Variants in ZSCAN5A observed in about 807,000 individuals in gnomAD.
The protein encoded by ZSCAN5A is zinc finger and SCAN domain-containing protein 5A.
ZSCAN5A carries 12 observed loss-of-function variants against 23.7 expected under a neutral mutation model. The ratio of observed to expected loss-of-function variants is 0.51; its 90% CI spans 0.32 to 0.82. The LOEUF is 0.82. Among genes scored for constraint, ZSCAN5A ranks in the 40% least tolerant of loss-of-function variants. The probability of loss-of-function intolerance (pLI) is 0.03; values close to 1 mark genes in which losing one functional copy is unlikely to be tolerated. For synonymous variants in ZSCAN5A, 257 were observed against 239.9 expected, an observed-to-expected ratio of 1.07 and a Z score of -0.66; for missense variants, 597 against 617.9, an observed-to-expected ratio of 0.97 and a Z score of 0.36.
chr19:56,221,765 T>C lies in ZSCAN5A; in HGVS notation c.1301A>G (p.His434Arg). Reference sequence around the variant, plus strand: ...ACATTCGAAGGGCTTCTCCCCTGTGTGGCTTCTCTTGTGACACTTCAAGTA... The same window carrying C: ...ACATTCGAAGGGCTTCTCCCCTGTGCGGCTTCTCTTGTGACACTTCAAGTA... Reference protein sequence around the residue: ...KSYLKCHKRSHTGEKPFECKD... With the variant: ...KSYLKCHKRSRTGEKPFECKD... The change falls in exon 6 of 6, where the codon CAC becomes CGC. Residue 434 changes from histidine to arginine, a missense_variant. By Grantham distance (29) the His-to-Arg change is conservative. Coordinates refer to ENST00000683990, the MANE Select transcript of ZSCAN5A (RefSeq NM_001322064.3). The C allele has an allele frequency of 6.2e-7, 1 of 1,614,212 alleles. No homozygotes were observed. The highest frequency in any genetic ancestry group is 8.5e-7 in the Non-Finnish European group (1 of 1,180,028).
At chr19:56,270,123 T>G (rs1190922633) in intron 2 of ZSCAN5A, among the ~76,000 whole-genome samples, 1 of 145,826 alleles carries the variant, frequency 6.9e-6, no homozygotes, top group East Asian at 2.0e-4. Context: ...TAGACATGAG[T>G]GGATCTCACA....
At chr19:56,247,925 C>T (rs547876514) in intron 2 of ZSCAN5A, among the ~76,000 whole-genome samples, 35 of 152,252 alleles carry the variant, frequency 2.3e-4, no homozygotes, top group African/African-American at 6.5e-4. Flanking sequence ...CTCCTGACCT[C>T]GTGATCCGCC....
chr19:56,337,363 G>GGTGTA (rs763239915), intron 2 of ZSCAN5A, among the ~76,000 whole-genome samples: 6 of 152,232 alleles, frequency 3.9e-5, no homozygotes, highest in African/African-American at 7.2e-5. Flanking sequence ...AGGCTCTGTG[G>GGTGTA]GTGTAGGACC....
chr19:56,297,604 C>T (rs979171355), intron 2 of ZSCAN5A: 1 of 868,418 alleles, frequency 1.2e-6, no homozygotes, highest in African/African-American at 1.9e-5. Context: ...ATGATAAAGC[C>T]TTAGAAGAGA....
At position 56,352,247 on chromosome 19, in the gene ZSCAN5A, G is replaced by A. The variant is rs991390761; in HGVS notation, c.-358+10988C>T. ...CTCCCAAGTAGCTGGGACTACAGGC[G>A]CCGATAGTGTGGTGTTTTAACAAAG... On this transcript the variant is annotated intron_variant, in intron 2 of 6. Transcript: ENST00000587340. The surrounding 1 kb of genome is among the most constrained non-coding windows in gnomAD (Gnocchi z 4.2). Among the ~76,000 whole-genome samples the A allele has an allele frequency of 3.3e-5, 5 of 152,184 alleles. No homozygotes were observed. The highest frequency in any genetic ancestry group is 2.0e-4 in the Admixed American group (3 of 15,286).
At position 56,224,991 on chromosome 19, in the gene ZSCAN5A, C is replaced by G; in HGVS notation, c.56G>C (p.Gly19Ala). ...TGCCATAGACCGTGGCAGCTCCAAC[C>G]CAGGTCTGTTGCAGGATTCTCCTAG... ...WSLGESCNRP[G>A]LELPRSMASS... Residue 19 changes from glycine (G) to alanine (A), a missense_variant, in exon 3 of 6, where the codon GGG becomes GCG. Transcript: ENST00000683990. 2 of 1,613,954 alleles carry G rather than the reference C, an allele frequency of 1.2e-6. No individual in the cohort carries two copies. Among genetic ancestry groups the G allele is most frequent in the South Asian group, 1.1e-5 (1 of 91,044 alleles).
chr19:56,231,722 T>A (rs1263048007), intron 2 of ZSCAN5A, among the ~76,000 whole-genome samples: 4 of 152,238 alleles, frequency 2.6e-5, no homozygotes, highest in Non-Finnish European at 5.9e-5. Context: ...ATCTGTACAG[T>A]TTAGCAGCAT....
At chr19:56,237,875 C>G (rs2035056515) in intron 2 of ZSCAN5A, among the ~76,000 whole-genome samples, 1 of 144,574 alleles carries the variant, frequency 6.9e-6, no homozygotes, top group Admixed American at 7.0e-5. Flanking sequence ...TGAGATTGTG[C>G]CACTGTGCTC....
At chr19:56,304,675 G>T (rs896156573) in intron 2 of ZSCAN5A, 2 of 464,060 alleles carry the variant, frequency 4.3e-6, no homozygotes, top group Non-Finnish European at 5.7e-6. Context: ...AAAGAGCAGA[G>T]GGGGAGGACG....
At chr19:56,275,350 C>T (rs1449159576) in intron 2 of ZSCAN5A, among the ~76,000 whole-genome samples, 4 of 152,126 alleles carry the variant, frequency 2.6e-5, no homozygotes, top group Admixed American at 2.6e-4. Flanking sequence ...TATTCAATGG[C>T]CTTTCTCTGT....
rs58270311 is a variant in ZSCAN5A, at chr19:56,230,615, A to ATGTGTGTGTG, written c.-127-5452_-127-5443dup. ...CATCTGGCTTTCTTTTTATTTCTTG[A>ATGTGTGTGTG]TGTGTGTGTGTGTGTGTGTGTGTGT... On this transcript the variant is annotated intron_variant, in intron 2 of 5. Transcript: ENST00000683990. Among the ~76,000 whole-genome samples the ATGTGTGTGTG allele has an allele frequency of 7.0e-3, 1,030 of 147,584 alleles. 16 individuals carry two copies. Among genetic ancestry groups the ATGTGTGTGTG allele is most frequent in the Non-Finnish European group, 6.4e-3 (428 of 67,302 alleles).
At chr19:56,312,248 C>T (rs1038992698) in intron 2 of ZSCAN5A, 3 of 152,104 alleles carry the variant, frequency 2.0e-5, no homozygotes, top group African/African-American at 7.2e-5. Flanking sequence ...AAGAGTAGAT[C>T]CACATATCCA....
At chr19:56,292,019 G>C (rs117377938) in intron 2 of ZSCAN5A, among the ~76,000 whole-genome samples, 3,465 of 152,252 alleles carry the variant, frequency 0.023, 69 homozygotes, top group South Asian at 0.076. Context: ...AGGTATAAAG[G>C]TTAGGTAACT....
chr19:56,244,067 T>C, intron 2 of ZSCAN5A: 1 of 1,130,234 alleles, frequency 8.8e-7, no homozygotes, highest in South Asian at 1.4e-5. Flanking sequence ...CAACTCCTCA[T>C]GGGGTCAGGG....
rs1056399205 is a variant in ZSCAN5A at position 56,352,182 on chromosome 19, A to C, written c.-358+11053T>G. On this transcript the variant is annotated intron_variant, in intron 2 of 6. Coordinates refer to the ZSCAN5A transcript ENST00000587340. The surrounding 1 kb of genome is among the most constrained non-coding windows in gnomAD (Gnocchi z 4.2). ...AGTGGCACGATCTCAGCTCACTGCA[A>C]GCTCCGCCTCCTGGATTCACGCCAT... Among the ~76,000 whole-genome samples, 5 of 152,078 alleles carry C rather than the reference A, an allele frequency of 3.3e-5. No homozygotes were observed. The highest frequency in any genetic ancestry group is 7.3e-5 in the African/African-American group (3 of 41,370).
At chr19:56,252,982 T>G (rs899395794) in intron 2 of ZSCAN5A, among the ~76,000 whole-genome samples, 2 of 152,154 alleles carry the variant, frequency 1.3e-5, no homozygotes, top group South Asian at 2.1e-4. Context: ...TCCTGGGATA[T>G]CCCTCCCACC....
At chr19:56,264,560 G>A (rs1250931724) in intron 2 of ZSCAN5A, among the ~76,000 whole-genome samples, 1 of 152,206 alleles carries the variant, frequency 6.6e-6, no homozygotes, top group East Asian at 1.9e-4. Context: ...AGTGTTGGGA[G>A]ACTGGACTAT....
rs1410021145 is a variant in ZSCAN5A at position 56,222,045 on chromosome 19, G to C, written c.1021C>G (p.Pro341Ala). 2 of 1,614,170 alleles carry C rather than the reference G, an allele frequency of 1.2e-6. No individual in the cohort carries two copies. The highest frequency in any genetic ancestry group is 2.2e-5 in the East Asian group (1 of 44,870). ...NSIHSPGPAS[P>A]VSHPDGQEAK... The stretch of plus-strand genomic sequence containing the variant: ...TCTTGGCCATCCGGGTGACTGACTG[G>C]GCTCGCAGGGCCTGGGGAATGAATT... The change falls in exon 6 of 6, where the codon CCA (proline) becomes GCA (alanine). Residue 341 changes from proline to alanine, a missense_variant. This residue lies in a region of ZSCAN5A where 406 missense variants were observed against 353.2 expected (regional missense o/e 1.15). Coordinates refer to ENST00000683990, the MANE Select transcript of ZSCAN5A (RefSeq NM_001322064.3).
chr19:56,352,124 C>A lies in ZSCAN5A; in HGVS notation c.-358+11111G>T, dbSNP rs747615061. Among the ~76,000 whole-genome samples, 1 of 151,942 alleles carries A rather than the reference C, an allele frequency of 6.6e-6. No individual in the cohort carries two copies. The highest frequency in any genetic ancestry group is 2.4e-5 in the African/African-American group (1 of 41,346). On this transcript the variant is annotated intron_variant, in intron 2 of 6. Transcript: ENST00000587340. The surrounding 1 kb of genome is among the most constrained non-coding windows in gnomAD (Gnocchi z 4.2). Reference sequence around the variant, plus strand: ...TTTGTTTGTTTCTTTGTTTTTGAGACGGAATCTCGCTCTGTCACCCAGGCT... The same window carrying A: ...TTTGTTTGTTTCTTTGTTTTTGAGAAGGAATCTCGCTCTGTCACCCAGGCT...
Sources: allele counts gnomAD v4.1 joint callset (sites outside exome capture counted in the v4.1 genomes callset), GRCh38; gene constraint gnomAD v4.1.1; regional missense constraint gnomAD v4.1.1; non-coding constraint Gnocchi (gnomAD v3.1); transcripts MANE v1.5; gene names NCBI Gene and HGNC (gene_info 2026-07-23, HGNC 2026-07-21).